Variants in CNKSR3 observed in about 807,000 individuals in gnomAD.
The protein encoded by CNKSR3 is connector enhancer of kinase suppressor of ras 3.
Under a neutral mutation model 67.7 loss-of-function variants are expected in CNKSR3, and 36 were observed. The observed-to-expected ratio is 0.53, with a 90% CI of 0.41 to 0.70. The LOEUF (loss-of-function observed/expected upper bound fraction) is 0.70, where lower values mean the gene tolerates loss of function less well. CNKSR3 is among the 30% of genes least tolerant of loss of function. The pLI is 0.00. For synonymous variants in CNKSR3, 281 were observed against 271.4 expected, an observed-to-expected ratio of 1.04 and a Z score of -0.35; for missense variants, 630 against 695.2, an observed-to-expected ratio of 0.91 and a Z score of 1.05.
Position 154,411,112 on chromosome 6 carries a change from C to A in CNKSR3, c.1101G>T (p.Gly367=). ...RDENGSFVYG[G]SSKCKQPLPG... ...GCAATGGTTGTTTGCACTTACTGGA[C>A]CCTCCATAAACAAAACTGCCATTCT... Residue 367 remains glycine (G), a synonymous_variant, in exon 11 of 13, where the codon GGG becomes GGT. Coordinates refer to ENST00000607772, the MANE Select transcript of CNKSR3 (RefSeq NM_173515.4). 1 of 1,613,454 alleles carries A rather than the reference C, an allele frequency of 6.2e-7. No individual in the cohort carries two copies. The highest frequency in any genetic ancestry group is 8.5e-7 in the Non-Finnish European group (1 of 1,179,506).
chr6:154,433,311 T>A (rs1166670587), intron 5 of CNKSR3, among the ~76,000 whole-genome samples, 155 bp downstream of exon 5: 2 of 152,242 alleles, frequency 1.3e-5, no homozygotes, highest in African/African-American at 2.4e-5. Flanking sequence ...ATAACTTTTA[T>A]GCTTTCTCTT....
chr6:154,420,197 C>A (rs59452500), intron 9 of CNKSR3, among the ~76,000 whole-genome samples: 3,154 of 150,194 alleles, frequency 0.021, 136 homozygotes, highest in East Asian at 0.18. Context: ...TAGACAAATA[C>A]CACATGATCT....
At chr6:154,485,724 T>C (rs1786653079) in intron 1 of CNKSR3, among the ~76,000 whole-genome samples, 2 of 152,196 alleles carry the variant, frequency 1.3e-5, no homozygotes, top group African/African-American at 2.4e-5. Context: ...CTTGAGAAGT[T>C]TGAGACTTTC....
At chr6:154,407,929 A>G (rs1031248467) in intron 12 of CNKSR3, among the ~76,000 whole-genome samples, 1 of 151,190 alleles carries the variant, frequency 6.6e-6, no homozygotes, top group South Asian at 2.1e-4. Context: ...TTGAATAAAT[A>G]GGCGCTAGAG....
chr6:154,394,900 C>G lies in CNKSR3; in HGVS notation c.*11454G>C, dbSNP rs1784643215. 1 of 152,190 alleles carries G rather than the reference C, an allele frequency of 6.6e-6. No homozygotes were observed. The highest frequency in any genetic ancestry group is 6.5e-5 in the Admixed American group (1 of 15,272). 9.4% of individuals were successfully genotyped at this position (152,190 alleles called of 1,614,324 possible). On this transcript the variant is annotated 3_prime_UTR_variant, in exon 13 of 13. Transcript: ENST00000607772. ...GTTGGATTCTTTGTTGCTTATACCT[C>G]CAATGGCCAAATACATTTTCTTTCG...
intron 2 of CNKSR3, among the ~76,000 whole-genome samples, chr6:154,446,195 C>A (rs1483178567): frequency 6.6e-6 from 1 of 152,140 alleles, no homozygotes; most frequent in Non-Finnish European, 1.5e-5. Flanking sequence ...CTTTCCTGAT[C>A]TGGCTAGAGA....
chr6:154,476,544 C>G (rs1011872454), intron 1 of CNKSR3, among the ~76,000 whole-genome samples: 1 of 151,766 alleles, frequency 6.6e-6, no homozygotes, highest in African/African-American at 2.4e-5. Flanking sequence ...TGTTTCCCAG[C>G]CTTCAAGAGA....
chr6:154,510,322 C>T lies in CNKSR3; in HGVS notation c.-208G>A. 1.8e-6 allele frequency: 1 copy of T among 566,446 alleles called. No homozygotes were observed. The highest frequency in any genetic ancestry group is 3.1e-6 in the Non-Finnish European group (1 of 323,278). The allele number at this position is 566,446 out of a possible 1,614,324, so 35.1% of individuals were successfully genotyped here. ...GCCCTCTCCCTCCAGCTGCCACAGT[C>T]CAGCTGCAGCTCCTCCTTCCCCCGC... On this transcript the variant is annotated 5_prime_UTR_variant, in exon 1 of 13. Coordinates refer to ENST00000607772, the MANE Select transcript of CNKSR3 (RefSeq NM_173515.4).
intron 1 of CNKSR3, among the ~76,000 whole-genome samples, chr6:154,464,964 A>G (rs145160741): frequency 6.6e-6 from 1 of 151,054 alleles, no homozygotes; most frequent in Non-Finnish European, 1.5e-5. Context: ...ACATGGTGAA[A>G]CCCCATCTCT....
intron 2 of CNKSR3, among the ~76,000 whole-genome samples, chr6:154,443,931 T>A (rs182630201): frequency 3.9e-5 from 6 of 152,322 alleles, no homozygotes; most frequent in Admixed American, 3.9e-4. Flanking sequence ...GTTCAGCTTA[T>A]GTGGGTGCTT....
Position 154,450,134 on chromosome 6 carries a change from C to T in CNKSR3, c.177G>A (p.Gln59=), listed in dbSNP as rs769454157. ...EELGVTRIGH[Q]ELVLEAVDLL... ...GGTCCACAGCCTCCAACACAAGCTC[C>T]TGGTGTCCAATCCGTGTGACCCCCA... The change falls in exon 2 of 13, where the codon CAG becomes CAA. Residue 59 remains glutamine, a synonymous_variant. Transcript: ENST00000607772. The T allele has an allele frequency of 1.2e-6, 2 of 1,614,218 alleles. No individual in the cohort carries two copies. The highest frequency in any genetic ancestry group is 1.7e-6 in the Non-Finnish European group (2 of 1,180,028).
At chr6:154,487,052 C>T (rs1208259945) in intron 1 of CNKSR3, among the ~76,000 whole-genome samples, 2 of 152,162 alleles carry the variant, frequency 1.3e-5, no homozygotes, top group Non-Finnish European at 2.9e-5. Context: ...GCTGGGACTA[C>T]AGGCACGTGC....
intron 3 of CNKSR3, 57 bp from the exon 4 acceptor site, chr6:154,441,436 A>T: frequency 7.8e-7 from 1 of 1,285,408 alleles, no homozygotes; most frequent in Non-Finnish European, 1.1e-6. Context: ...CGGGGATCCC[A>T]CTGGATGTTG....
rs766586050 is a variant in CNKSR3 at position 154,450,202 on chromosome 6, C to T, written c.109G>A (p.Gly37Ser). ...VHKFEREKIN[G>S]EQLLQISHQD... ...TGGGAAATCTGCAGCAGCTGCTCGC[C>T]GTTGATCTTCTCTCGTTCAAACTTG... The change falls in exon 2 of 13, where the codon GGC becomes AGC. Residue 37 changes from glycine to serine, a missense_variant. This residue lies in a region of CNKSR3 where 189 missense variants were observed against 205.0 expected (regional missense o/e 0.92). Transcript: ENST00000607772. The T allele has an allele frequency of 3.7e-6, 6 of 1,614,050 alleles. No homozygotes were observed. Among genetic ancestry groups the T allele is most frequent in the African/African-American group, 1.3e-5 (1 of 74,918 alleles).
intron 1 of CNKSR3, among the ~76,000 whole-genome samples, chr6:154,488,618 A>T (rs772936706): frequency 1.3e-5 from 2 of 152,230 alleles, no homozygotes; most frequent in Non-Finnish European, 2.9e-5. Flanking sequence ...AAAGAAAAGA[A>T]ATAAGAACAC....
intron 1 of CNKSR3, among the ~76,000 whole-genome samples, chr6:154,507,632 A>G (rs1228343850): frequency 6.6e-6 from 1 of 152,140 alleles, no homozygotes; most frequent in African/African-American, 2.4e-5. Flanking sequence ...CATCTTTTTT[A>G]GATTCGAACA....
intron 7 of CNKSR3, among the ~76,000 whole-genome samples, chr6:154,427,723 T>A (rs1785283860): frequency 6.6e-6 from 1 of 152,112 alleles, no homozygotes; most frequent in Admixed American, 6.5e-5. Context: ...AATCCTGAAA[T>A]AGCTGCTTTG....
chr6:154,436,908 A>T (rs1462589501), intron 4 of CNKSR3, among the ~76,000 whole-genome samples: 2 of 152,206 alleles, frequency 1.3e-5, no homozygotes, highest in African/African-American at 2.4e-5. Context: ...CTTAAAAGAA[A>T]TGTGCAGTTT....
rs571753540 is a variant in CNKSR3, at chr6:154,446,934, A to G, written c.216+3161T>C. Among the ~76,000 whole-genome samples, 7 of 151,324 alleles carry G rather than the reference A, an allele frequency of 4.6e-5. 1 individual carries two copies. The South Asian group carries it at 1.5e-3, about 31-fold the overall frequency. ...ATTCTCCTGCCTCAGCCTCCCAAGT[A>G]GCTGGGACTACAGGCACCCGCTACC... On this transcript the variant is annotated intron_variant, in intron 2 of 12. Transcript: ENST00000607772.
Sources: gnomAD v4.1 joint callset for allele counts (sites outside exome capture counted in the v4.1 genomes callset) on GRCh38, gnomAD v4.1.1 for gene constraint, gnomAD v4.1.1 regional missense constraint, MANE v1.5 for transcripts, NCBI Gene and HGNC (gene_info 2026-07-23, HGNC 2026-07-21) for gene names.